The following KIF15 variants were observed in gnomAD, a reference collection of about 807,000 sequenced individuals.
KIF15 encodes the protein kinesin-like protein KIF15.
Under a neutral mutation model 190.6 loss-of-function variants are expected in KIF15, and 140 were observed. That is an observed-to-expected ratio of 0.73 (90% CI 0.64 to 0.84). The LOEUF (loss-of-function observed/expected upper bound fraction) is 0.84. Ranked by LOEUF, KIF15 falls within the 40% of genes least tolerant of loss-of-function variation. The pLI, the probability that KIF15 is intolerant of heterozygous loss-of-function variation, is 0.00. For missense variants in KIF15, 1,372 were observed against 1,584.4 expected, an observed-to-expected ratio of 0.87 and a Z score of 2.28; for synonymous variants, 528 against 551.3, an observed-to-expected ratio of 0.96 and a Z score of 0.59.
chr3:44,807,683 C>T (rs1185379357), intron 16 of KIF15, among the ~76,000 whole-genome samples: 1 of 151,450 alleles, frequency 6.6e-6, no homozygotes, highest in Admixed American at 6.6e-5. Flanking sequence ...ACACATCATT[C>T]TACAGCTTGA....
chr3:44,829,594 T>TGTATATATTATATATG (rs1359767200), intron 24 of KIF15, among the ~76,000 whole-genome samples: 5 of 123,466 alleles, frequency 4.0e-5, no homozygotes, highest in African/African-American at 1.4e-4. Flanking sequence ...ATATTATATA[T>TGTATATATTATATATG]TATATATGCA....
rs375650379 is a variant in KIF15 at position 44,797,674 on chromosome 3, C to A, written c.973C>A (p.Arg325=). ...YRDSKLTFLL[R]DSLGGNAKTA... The stretch of plus-strand genomic sequence containing the variant: ...AGACTCCAAACTTACCTTCTTACTA[C>A]GGGTAAAGTAGATCCTTGGGTTCCT... The change falls in exon 9 of 35, where the codon CGG becomes AGG. Residue 325 remains arginine, a splice_region_variant and synonymous_variant. Transcript: ENST00000326047. 9 of 1,613,504 alleles carry A rather than the reference C, an allele frequency of 5.6e-6. No homozygotes were observed. Among genetic ancestry groups the A allele is most frequent in the African/African-American group, 1.3e-5 (1 of 74,878 alleles).
intron 5 of KIF15, among the ~76,000 whole-genome samples, chr3:44,782,965 A>C (rs1052385498): frequency 1.3e-5 from 2 of 152,134 alleles, no homozygotes. Context: ...ATATGATGTG[A>C]CATTATTGGA....
chr3:44,835,224 C>T (rs569215149), intron 26 of KIF15, among the ~76,000 whole-genome samples: 2 of 152,150 alleles, frequency 1.3e-5, no homozygotes, highest in Admixed American at 6.5e-5. Context: ...TGTAATTCCA[C>T]TTCAAATCCC....
At chr3:44,814,774 C>A (rs1036931081) in intron 19 of KIF15, 137 bp from the exon 20 acceptor site, 1 of 559,810 alleles carries the variant, frequency 1.8e-6, no homozygotes, top group Non-Finnish European at 2.9e-6. Flanking sequence ...TGCTAGGTAC[C>A]CGCCACTTAA....
rs1430521194 is a variant in KIF15 at position 44,838,161 on chromosome 3, AAT to A, written c.3172-112_3172-111del. 1.2e-5 allele frequency: 13 copies of A among 1,073,842 alleles called. No individual in the cohort carries two copies. The East Asian group carries it at 3.0e-4, about 25-fold the overall frequency. 66.5% of individuals were successfully genotyped at this position (1,073,842 alleles called of 1,614,324 possible). On this transcript the variant is annotated intron_variant, in intron 26 of 34. Coordinates refer to ENST00000326047, the MANE Select transcript of KIF15 (RefSeq NM_020242.3). The stretch of plus-strand genomic sequence containing the variant: ...AATGGATTAGCACACAAGCAAAAGA[AAT>A]AGGTTTTTACATAAAACTTCCTTAG...
intron 1 of KIF15, among the ~76,000 whole-genome samples, chr3:44,767,638 G>A: frequency 6.6e-6 from 1 of 150,750 alleles, no homozygotes; most frequent in Non-Finnish European, 1.5e-5. Flanking sequence ...GCTCACGCCT[G>A]TAATCCCAGC....
intron 1 of KIF15, among the ~76,000 whole-genome samples, chr3:44,765,135 C>T (rs1273761706): frequency 6.6e-6 from 1 of 152,224 alleles, no homozygotes; most frequent in Non-Finnish European, 1.5e-5. Flanking sequence ...GAACTATCTA[C>T]ATTTGTGTAG....
At chr3:44,818,121 A>C (rs1200621342) in intron 20 of KIF15, among the ~76,000 whole-genome samples, 1 of 152,202 alleles carries the variant, frequency 6.6e-6, no homozygotes, top group Non-Finnish European at 1.5e-5. Context: ...GAAGTTGCTT[A>C]TCAGCTTAAG....
rs570420055 is a variant in KIF15, at chr3:44,835,941, A to G, written c.3172-2334A>G. 6.6e-5 allele frequency among the ~76,000 whole-genome samples: 10 copies of G among 152,318 alleles called. No homozygotes were observed. The East Asian group carries it at 1.2e-3, about 18-fold the overall frequency. ...ATAAAAATACAAGCCAGGCATGGTA[A>G]TGCACGCCTGTAGTCCCAGCTACTC... On this transcript the variant is annotated intron_variant, in intron 26 of 34. Coordinates refer to ENST00000326047, the MANE Select transcript of KIF15 (RefSeq NM_020242.3).
At chr3:44,768,694 A>G (rs1178176639) in intron 1 of KIF15, among the ~76,000 whole-genome samples, 1 of 152,194 alleles carries the variant, frequency 6.6e-6, no homozygotes, top group African/African-American at 2.4e-5. Context: ...GAATAAAGAT[A>G]AGGACAAAGA....
chr3:44,778,327 T>G (rs1705994639), intron 4 of KIF15, 136 bp downstream of exon 4: 2 of 712,098 alleles, frequency 2.8e-6, no homozygotes, highest in Non-Finnish European at 5.1e-6. Context: ...AGTGAAAAGT[T>G]CAACATGGGT....
chr3:44,840,559 G>T (rs1388142869), intron 28 of KIF15, 103 bp downstream of exon 28: 1 of 618,930 alleles, frequency 1.6e-6, no homozygotes, highest in East Asian at 3.4e-5. Flanking sequence ...TAAAGAAAAA[G>T]ATTTTCACTA....
intron 7 of KIF15, among the ~76,000 whole-genome samples, chr3:44,791,497 G>A (rs1186200427): frequency 6.6e-6 from 1 of 152,102 alleles, no homozygotes; most frequent in Non-Finnish European, 1.5e-5. Flanking sequence ...TACAAAATAG[G>A]CTGCTGGGAT....
intron 8 of KIF15, among the ~76,000 whole-genome samples, chr3:44,796,712 A>G (rs576121212): frequency 6.6e-6 from 1 of 152,300 alleles, no homozygotes; most frequent in African/African-American, 2.4e-5. Flanking sequence ...TAAAAATCTA[A>G]TGTAACGTAT....
chr3:44,799,059 G>A (rs1707130768), intron 10 of KIF15: 2 of 343,348 alleles, frequency 5.8e-6, no homozygotes, highest in South Asian at 4.7e-5. Flanking sequence ...AAGATGAGGA[G>A]GAAAAATCAT....
rs749925014 is a variant in KIF15 at position 44,852,786 on chromosome 3, C to G, written c.*51C>G. On this transcript the variant is annotated 3_prime_UTR_variant, in exon 35 of 35. Transcript: ENST00000326047. The stretch of plus-strand genomic sequence containing the variant: ...CACCTTGTTTGAAGATGTTTCTTCT[C>G]TTTTACAAGTAAGACCTACTCCTGG... The G allele has an allele frequency of 4.1e-6, 6 of 1,466,630 alleles. No individual in the cohort carries two copies. The highest frequency in any genetic ancestry group is 1.9e-6 in the Non-Finnish European group (2 of 1,072,446). 90.9% of individuals were successfully genotyped at this position (1,466,630 alleles called of 1,614,324 possible). A position where few individuals can be genotyped will look rare whatever the true frequency, so the allele number is the denominator to read the frequency against.
chr3:44,805,130 T>C lies in KIF15; in HGVS notation c.1791T>C (p.Asn597=), dbSNP rs1707437753. 4.3e-6 allele frequency: 7 copies of C among 1,613,032 alleles called. No homozygotes were observed. Among genetic ancestry groups the C allele is most frequent in the Admixed American group, 1.7e-5 (1 of 59,880 alleles). The stretch of plus-strand genomic sequence containing the variant: ...TGCAAATTCAGACAGAGCTGAATAA[T>C]TCAAAGCAAGAATATGAAGAATTCA... ...QLLQIQTELN[N]SKQEYEEFKE... Residue 597 remains asparagine (N), a synonymous_variant, in exon 15 of 35, where the codon AAT becomes AAC. Coordinates refer to ENST00000326047, the MANE Select transcript of KIF15 (RefSeq NM_020242.3).
intron 1 of KIF15, among the ~76,000 whole-genome samples, chr3:44,773,231 C>T (rs1705718116): frequency 6.6e-6 from 1 of 151,952 alleles, no homozygotes; most frequent in East Asian, 1.9e-4. Flanking sequence ...TTGAAAGATG[C>T]CTGAAAGGAG....
Sources: allele counts gnomAD v4.1 joint callset (sites outside exome capture counted in the v4.1 genomes callset), GRCh38; gene constraint gnomAD v4.1.1; transcripts MANE v1.5; gene names NCBI Gene and HGNC (gene_info 2026-07-23, HGNC 2026-07-21).